The following ASAP3 variants were observed in gnomAD, a reference collection of about 807,000 sequenced individuals.
The protein encoded by ASAP3 is arf-GAP with SH3 domain, ANK repeat and PH domain-containing protein 3.
In ASAP3, 85 loss-of-function variants were observed where a neutral mutation model predicts 118.2. That is an observed-to-expected ratio of 0.72 (90% CI 0.60 to 0.86). The LOEUF is 0.86. ASAP3 is among the 40% of genes least tolerant of loss of function. ASAP3 has a pLI of 0.00. For missense variants in ASAP3, 1,026 were observed against 1,175.0 expected, an observed-to-expected ratio of 0.87 and a Z score of 1.85; for synonymous variants, 432 against 477.4, an observed-to-expected ratio of 0.90 and a Z score of 1.24.
At chr1:23,463,484 T>G (rs776914009) in intron 1 of ASAP3, among the ~76,000 whole-genome samples, 13 of 152,006 alleles carry the variant, frequency 8.6e-5, no homozygotes, top group Non-Finnish European at 1.3e-4. Flanking sequence ...GTTTCCAGAG[T>G]GCTATGATGA....
intron 1 of ASAP3, among the ~76,000 whole-genome samples, chr1:23,469,264 C>A (rs2148655760): frequency 6.6e-6 from 1 of 152,270 alleles, no homozygotes; most frequent in South Asian, 2.1e-4. Context: ...TCTGATTGCA[C>A]CACTGCACTC....
chr1:23,430,666 G>T (rs946596865), intron 24 of ASAP3, among the ~76,000 whole-genome samples: 2 of 152,224 alleles, frequency 1.3e-5, no homozygotes, highest in African/African-American at 4.8e-5. Flanking sequence ...ATCCTCCCCT[G>T]GGGAGAAGCC....
intron 1 of ASAP3, among the ~76,000 whole-genome samples, chr1:23,477,021 T>C (rs1168079621): frequency 6.6e-6 from 1 of 151,792 alleles, no homozygotes; most frequent in African/African-American, 2.4e-5. Context: ...CTTAATAAAA[T>C]AATATTTTGT....
At position 23,442,158 on chromosome 1, in the gene ASAP3, A is replaced by G. The variant is rs752197767; in HGVS notation, c.671+28T>C. The G allele has an allele frequency of 4.4e-6, 7 of 1,573,224 alleles. No individual in the cohort carries two copies. The East Asian group carries it at 1.4e-4, about 31-fold the overall frequency. ...CTTGTTCTGTGACACTGGAAGGGTT[A>G]GTGGCAGGGACGCGGGAAGATACCT... On this transcript the variant is annotated intron_variant, in intron 7 of 24. Coordinates refer to ENST00000336689, the MANE Select transcript of ASAP3 (RefSeq NM_017707.4).
Position 23,433,162 on chromosome 1 carries a change from G to A in ASAP3, c.2238C>T (p.Gly746=), listed in dbSNP as rs149084475. ...AGGGCGGGGGACAGTCCTCACTCTC[G>A]CCCTGAGGGGTGGCTGCTCCCAGGC... is the stretch of plus-strand genomic sequence containing the variant. ...VASLGAATPQ[G]ESEDCPPPLP... Residue 746 remains glycine, a synonymous_variant, in exon 22 of 25, where the codon GGC becomes GGT. Coordinates refer to ENST00000336689, the MANE Select transcript of ASAP3 (RefSeq NM_017707.4). 9.3e-6 allele frequency: 15 copies of A among 1,614,004 alleles called. No homozygotes were observed. Among genetic ancestry groups the A allele is most frequent in the African/African-American group, 4.0e-5 (3 of 74,896 alleles).
At position 23,429,770 on chromosome 1, in the gene ASAP3, A is replaced by G. The variant is rs1640356606; in HGVS notation, c.*86T>C. On this transcript the variant is annotated 3_prime_UTR_variant, in exon 25 of 25. Coordinates refer to ENST00000336689, the MANE Select transcript of ASAP3 (RefSeq NM_017707.4). ...GAGAGAGTGAGATCCAAGAGAACAA[A>G]TGTCTCAGCTCCCCAGTTTTGTGAG... 2.2e-6 allele frequency: 3 copies of G among 1,352,468 alleles called. No homozygotes were observed. Among genetic ancestry groups the G allele is most frequent in the Non-Finnish European group, 3.1e-6 (3 of 974,704 alleles). 83.8% of individuals were successfully genotyped at this position (1,352,468 alleles called of 1,614,324 possible). A position where few individuals can be genotyped will look rare whatever the true frequency, so the allele number is the denominator to read the frequency against.
intron 1 of ASAP3, among the ~76,000 whole-genome samples, chr1:23,470,278 C>T (rs1570404295): frequency 6.6e-6 from 1 of 152,218 alleles, no homozygotes; most frequent in Non-Finnish European, 1.5e-5. Flanking sequence ...CCTCAGCCAC[C>T]AGCAAGAGTG....
At chr1:23,433,721 G>A in intron 19 of ASAP3, 28 bp from the exon 20 acceptor site, 1 of 1,613,790 alleles carries the variant, frequency 6.2e-7, no homozygotes, top group African/African-American at 1.3e-5. Context: ...CAGGGTTCAT[G>A]GTCATAGTCA....
At chr1:23,451,556 CA>C in intron 4 of ASAP3, 28 bp from the exon 5 acceptor site, 1 of 1,610,242 alleles carries the variant, frequency 6.2e-7, no homozygotes. Context: ...ACAATTTGCC[CA>C]GAGGGAAGCT....
At chr1:23,474,193 C>T (rs1256526207) in intron 1 of ASAP3, among the ~76,000 whole-genome samples, 2 of 151,936 alleles carry the variant, frequency 1.3e-5, no homozygotes, top group Admixed American at 6.6e-5. Context: ...GTCTCGAACT[C>T]CTGACCTCAG....
At chr1:23,449,661 G>A (rs78183313) in intron 5 of ASAP3, among the ~76,000 whole-genome samples, 1 of 152,142 alleles carries the variant, frequency 6.6e-6, no homozygotes, top group African/African-American at 2.4e-5. Context: ...TCCATGGTGG[G>A]AGCCAGGAGA....
chr1:23,429,976 A>G, intron 24 of ASAP3, 46 bp from the exon 25 acceptor site: 1 of 1,482,208 alleles, frequency 6.7e-7, no homozygotes, highest in Non-Finnish European at 9.4e-7. Flanking sequence ...CACCTGTAAC[A>G]TACCAGGTGT....
intron 17 of ASAP3, among the ~76,000 whole-genome samples, chr1:23,434,878 T>A (rs1461474245): frequency 6.6e-6 from 1 of 152,132 alleles, no homozygotes; most frequent in East Asian, 1.9e-4. Context: ...TCGGCTCCTC[T>A]CCCTGATCGC....
At chr1:23,431,251 C>A in intron 23 of ASAP3, 126 bp from the exon 24 acceptor site, 1 of 921,298 alleles carries the variant, frequency 1.1e-6, no homozygotes, top group Non-Finnish European at 1.7e-6. Context: ...ACAAGGCCCC[C>A]AGGCCAGGTC....
intron 3 of ASAP3, among the ~76,000 whole-genome samples, chr1:23,455,342 A>G (rs1641347875): frequency 6.6e-6 from 1 of 152,176 alleles, no homozygotes; most frequent in Admixed American, 6.5e-5. Context: ...ACCAGAGAGG[A>G]GGCAGTCACC....
chr1:23,477,545 A>T (rs891776996), intron 1 of ASAP3, among the ~76,000 whole-genome samples: 73 of 152,104 alleles, frequency 4.8e-4, no homozygotes, highest in Admixed American at 1.2e-3. Context: ...TACAGGTACA[A>T]ATGTGTGAGT....
rs941204373 is a variant in ASAP3 at position 23,451,384 on chromosome 1, A to G, written c.473+95T>C. ...CCTCTACAGAGCCAGATGTCACCCAATTCTGGATGACATGTCTCGGCAGCA... is the reference window on the plus strand; with the variant it reads ...CCTCTACAGAGCCAGATGTCACCCAGTTCTGGATGACATGTCTCGGCAGCA... On this transcript the variant is annotated intron_variant, in intron 5 of 24. Coordinates refer to ENST00000336689, the MANE Select transcript of ASAP3 (RefSeq NM_017707.4). The G allele has an allele frequency of 1.1e-5, 15 of 1,379,236 alleles. No homozygotes were observed. In the Admixed American group the frequency reaches 2.0e-4, roughly 19 times the overall value. The allele number at this position is 1,379,236 out of a possible 1,614,324, so 85.4% of individuals were successfully genotyped here.
Position 23,438,934 on chromosome 1 carries a change from G to C in ASAP3, c.1015-100C>G. 1 of 1,296,156 alleles carries C rather than the reference G, an allele frequency of 7.7e-7. No individual in the cohort carries two copies. Among genetic ancestry groups the C allele is most frequent in the Non-Finnish European group, 1.1e-6 (1 of 907,276 alleles). 80.3% of individuals were successfully genotyped at this position (1,296,156 alleles called of 1,614,324 possible). On this transcript the variant is annotated intron_variant, in intron 11 of 24. Transcript: ENST00000336689. The surrounding 1 kb of genome is among the most constrained non-coding windows in gnomAD (Gnocchi z 4.9). ...TCTGTTAAATGGGCATAATCATCCT[G>C]TTCCATTTGTGTTTCTCCTCACCCA...
chr1:23,460,676 A>G (rs1225518170), intron 1 of ASAP3, among the ~76,000 whole-genome samples: 1 of 152,190 alleles, frequency 6.6e-6, no homozygotes, highest in Non-Finnish European at 1.5e-5. Flanking sequence ...CAGTTTCTTA[A>G]CTAAACGTAC....
Sources: gnomAD v4.1 joint callset for allele counts (sites outside exome capture counted in the v4.1 genomes callset) on GRCh38, gnomAD v4.1.1 for gene constraint, Gnocchi (gnomAD v3.1) non-coding constraint, MANE v1.5 for transcripts, NCBI Gene and HGNC (gene_info 2026-07-23, HGNC 2026-07-21) for gene names.